The following CSNK1G3 variants were observed in gnomAD, a reference collection of about 807,000 sequenced individuals.
The protein encoded by CSNK1G3 is casein kinase I isoform gamma-3.
CSNK1G3 carries 23 observed loss-of-function variants against 64.3 expected under a neutral mutation model. The ratio of observed to expected loss-of-function variants is 0.36; its 90% CI spans 0.26 to 0.51. CSNK1G3 has a LOEUF of 0.51. CSNK1G3 is among the 20% of genes least tolerant of loss of function. The pLI is 0.96. For synonymous variants in CSNK1G3, 158 were observed against 162.2 expected (o/e 0.97, Z 0.20); for missense variants, 357 against 510.5 (o/e 0.70, Z 2.90).
intron 1 of CSNK1G3, among the ~76,000 whole-genome samples, chr5:123,538,796 T>A (rs1286497698): frequency 6.6e-6 from 1 of 152,224 alleles, no homozygotes; most frequent in South Asian, 2.1e-4. Flanking sequence ...TCATATAAAA[T>A]AATTTAGCCC....
intron 4 of CSNK1G3, among the ~76,000 whole-genome samples, chr5:123,561,432 A>G (rs1211375386): frequency 6.6e-6 from 1 of 152,220 alleles, no homozygotes; most frequent in East Asian, 1.9e-4. Context: ...TTGACTCTTA[A>G]TAACAAAAGT....
chr5:123,580,514 T>C (rs1790041210), intron 6 of CSNK1G3, among the ~76,000 whole-genome samples: 1 of 152,006 alleles, frequency 6.6e-6, no homozygotes, highest in East Asian at 1.9e-4. Flanking sequence ...TTATAGCTGC[T>C]TAAGTCTCTG....
intron 10 of CSNK1G3, among the ~76,000 whole-genome samples, chr5:123,594,520 A>G (rs911126678): frequency 2.0e-5 from 3 of 152,148 alleles, no homozygotes; most frequent in African/African-American, 7.2e-5. Context: ...GTTTTCTCAT[A>G]TTATCCTTAG....
intron 1 of CSNK1G3, among the ~76,000 whole-genome samples, chr5:123,531,082 G>A (rs750981171): frequency 7.9e-5 from 12 of 152,050 alleles, no homozygotes; most frequent in Admixed American, 2.0e-4. Context: ...TGAATGAGTC[G>A]TTTCATATAC....
intron 6 of CSNK1G3, among the ~76,000 whole-genome samples, chr5:123,577,770 AT>A (rs749832214): frequency 2.0e-5 from 3 of 151,676 alleles, no homozygotes; most frequent in Non-Finnish European, 3.0e-5. Context: ...ACAACATTTG[AT>A]TATATAATTT....
chr5:123,597,323 A>G (rs1010146343), intron 10 of CSNK1G3, among the ~76,000 whole-genome samples: 5 of 152,154 alleles, frequency 3.3e-5, no homozygotes, highest in Middle Eastern at 3.2e-3. Context: ...TAAACATACT[A>G]AGAGTATGTC....
chr5:123,574,686 C>G (rs937567810), intron 5 of CSNK1G3, among the ~76,000 whole-genome samples: 6 of 151,730 alleles, frequency 4.0e-5, no homozygotes, highest in African/African-American at 1.5e-4. Context: ...AAAAATAAGC[C>G]AGGTGTGGTG....
chr5:123,567,184 G>A (rs2150571684), intron 4 of CSNK1G3, among the ~76,000 whole-genome samples: 1 of 152,302 alleles, frequency 6.6e-6, no homozygotes, highest in South Asian at 2.1e-4. Context: ...GAAAGACCCA[G>A]TCCCATAATT....
intron 1 of CSNK1G3, among the ~76,000 whole-genome samples, chr5:123,533,636 T>C (rs1780314739): frequency 6.6e-6 from 1 of 151,686 alleles, no homozygotes; most frequent in South Asian, 2.1e-4. Context: ...ATATTAGGAT[T>C]ATTCCCCCAC....
intron 12 of CSNK1G3, among the ~76,000 whole-genome samples, chr5:123,611,249 T>C (rs1322364217): frequency 2.0e-5 from 3 of 152,198 alleles, no homozygotes; most frequent in African/African-American, 7.2e-5. Context: ...TGAGAACCTC[T>C]CTCTTGTCTA....
chr5:123,575,923 A>C (rs1249243163), exon 6 of CSNK1G3: 1 of 1,613,214 alleles, frequency 6.2e-7, no homozygotes, highest in Non-Finnish European at 8.5e-7. Flanking sequence ...GCCTTACAGG[A>C]ACAGCTAGAT....
rs760032416 is a variant in CSNK1G3 at position 123,545,737 on chromosome 5, A to G, written c.74A>G (p.Asn25Ser). The change falls in exon 2 of 13, where the codon AAC becomes AGC. Residue 25 changes from asparagine to serine, a missense_variant. By Grantham distance (46) the Asn-to-Ser change is conservative. Coordinates refer to ENST00000345990, the Ensembl canonical transcript of CSNK1G3. The stretch of plus-strand genomic sequence containing the variant: ...CGACCTAGTGGTCGATCGGGACACA[A>G]CACTCGAGGAACTGGGTCTTCATCG... 17 of 1,613,698 alleles carry G rather than the reference A, an allele frequency of 1.1e-5. No homozygotes were observed. The South Asian group carries it at 1.3e-4, about 13-fold the overall frequency.
intron 1 of CSNK1G3, among the ~76,000 whole-genome samples, chr5:123,524,117 A>G (rs1778626550): frequency 6.6e-6 from 1 of 152,222 alleles, no homozygotes; most frequent in Non-Finnish European, 1.5e-5. Flanking sequence ...AGGTGCTAGT[A>G]AATTTCTTCT....
chr5:123,531,591 A>G (rs1779948028), intron 1 of CSNK1G3, among the ~76,000 whole-genome samples: 1 of 152,034 alleles, frequency 6.6e-6, no homozygotes, highest in Non-Finnish European at 1.5e-5. Flanking sequence ...GTGAAAGCAA[A>G]TAAATTATTT....
chr5:123,538,875 TTAAGA>T (rs1418567152), intron 1 of CSNK1G3, among the ~76,000 whole-genome samples: 1 of 152,206 alleles, frequency 6.6e-6, no homozygotes, highest in African/African-American at 2.4e-5. Flanking sequence ...TTGATGACTA[TTAAGA>T]TTTTTAATGA....
intron 1 of CSNK1G3, among the ~76,000 whole-genome samples, chr5:123,544,318 G>C (rs925393661): frequency 2.6e-5 from 4 of 152,058 alleles, no homozygotes; most frequent in African/African-American, 9.7e-5. Context: ...TTTACCAACT[G>C]TCTTGGTAAA....
At chr5:123,517,597 CT>C (rs2149915168) in intron 1 of CSNK1G3, among the ~76,000 whole-genome samples, 1 of 152,068 alleles carries the variant, frequency 6.6e-6, no homozygotes, top group African/African-American at 2.4e-5. Context: ...TGTAAAATGT[CT>C]TTCTGTGTTT....
intron 10 of CSNK1G3, among the ~76,000 whole-genome samples, chr5:123,602,457 A>G (rs1225547758): frequency 1.3e-5 from 2 of 152,200 alleles, no homozygotes; most frequent in African/African-American, 4.8e-5. Context: ...TAAAGTAAGA[A>G]CTTAGAAATA....
chr5:123,611,550 C>G (rs376593888), intron 12 of CSNK1G3, among the ~76,000 whole-genome samples: 26 of 152,150 alleles, frequency 1.7e-4, no homozygotes, highest in Non-Finnish European at 3.2e-4. Flanking sequence ...TCTCAGAACT[C>G]TCAGTACTGG....
Sources: allele counts gnomAD v4.1 joint callset (sites outside exome capture counted in the v4.1 genomes callset), GRCh38; gene constraint gnomAD v4.1.1; transcripts MANE v1.5; gene names NCBI Gene and HGNC (gene_info 2026-07-23, HGNC 2026-07-21).